HDAC4: variants seen among roughly 807,000 people sequenced by gnomAD.
The protein encoded by HDAC4 is histone deacetylase 4, also known as histone deacetylase A.
In HDAC4, 16 loss-of-function variants were observed where a neutral mutation model predicts 135.1. The observed-to-expected ratio is 0.12, with a 90% CI of 0.08 to 0.18. HDAC4 has a LOEUF of 0.18. HDAC4 is among the 10% of genes least tolerant of loss of function. HDAC4 has a pLI of 1.00. For synonymous variants in HDAC4, 685 were observed against 653.4 expected, an observed-to-expected ratio of 1.05 and a Z score of -0.74; for missense variants, 1,143 against 1,511.8, an observed-to-expected ratio of 0.76 and a Z score of 4.05.
chr2:239,238,136 A>C (rs2047990274), intron 2 of HDAC4, among the ~76,000 whole-genome samples: 2 of 152,188 alleles, frequency 1.3e-5, no homozygotes, highest in African/African-American at 4.8e-5. Flanking sequence ...TCTCAAGAGA[A>C]CCTTCACTGC....
At chr2:239,250,031 C>T (rs2048695418) in intron 2 of HDAC4, among the ~76,000 whole-genome samples, 1 of 152,248 alleles carries the variant, frequency 6.6e-6, no homozygotes, top group Non-Finnish European at 1.5e-5. Context: ...ACAGCCCTCC[C>T]GCCTCTGGAA....
At chr2:239,356,432 A>T (rs1007381646) in intron 1 of HDAC4, among the ~76,000 whole-genome samples, 1 of 152,158 alleles carries the variant, frequency 6.6e-6, no homozygotes, top group African/African-American at 2.4e-5. Flanking sequence ...AGGGACTAAA[A>T]AGCTTTTGGA....
intron 2 of HDAC4, among the ~76,000 whole-genome samples, chr2:239,237,986 G>A (rs1032294652): frequency 2.6e-5 from 4 of 152,268 alleles, no homozygotes; most frequent in East Asian, 1.9e-4. Flanking sequence ...GAGAAAGACC[G>A]GCAGGTCATA....
chr2:239,355,193 T>A (rs1693414214), intron 1 of HDAC4, among the ~76,000 whole-genome samples: 1 of 152,186 alleles, frequency 6.6e-6, no homozygotes, highest in East Asian at 1.9e-4. Flanking sequence ...CAAATATAGG[T>A]CTTCTTTCTG....
At chr2:239,165,895 T>G (rs1046605759) in intron 5 of HDAC4, among the ~76,000 whole-genome samples, 1 of 152,254 alleles carries the variant, frequency 6.6e-6, no homozygotes, top group African/African-American at 2.4e-5. Flanking sequence ...AGCCATCATT[T>G]TAATTTTATC....
At chr2:239,227,636 A>G (rs1184968219) in intron 3 of HDAC4, among the ~76,000 whole-genome samples, 4 of 152,166 alleles carry the variant, frequency 2.6e-5, no homozygotes, top group African/African-American at 9.6e-5. Flanking sequence ...CCCTCCAAAG[A>G]CAAGCGGAAG....
intron 7 of HDAC4, among the ~76,000 whole-genome samples, chr2:239,147,757 C>G (rs1294475541): frequency 6.6e-6 from 1 of 152,264 alleles, no homozygotes; most frequent in Non-Finnish European, 1.5e-5. Context: ...GAACAGGGAG[C>G]AGGTGGGATT....
At chr2:239,150,463 T>C (rs562408947) in intron 7 of HDAC4, among the ~76,000 whole-genome samples, 15 of 147,378 alleles carry the variant, frequency 1.0e-4, no homozygotes, top group South Asian at 2.2e-4. Flanking sequence ...CACAGATACA[T>C]AGAAACACAG....
In HDAC4 at chr2:239,052,547, C is replaced by A. The variant is rs2031018088; in HGVS notation, c.*550G>T. 1 of 155,240 alleles carries A rather than the reference C, an allele frequency of 6.4e-6. No homozygotes were observed. The highest frequency in any genetic ancestry group is 1.9e-4 in the East Asian group (1 of 5,304). The allele number at this position is 155,240 out of a possible 1,614,324, so 9.6% of individuals were successfully genotyped here. On this transcript the variant is annotated 3_prime_UTR_variant, in exon 27 of 27. Transcript: ENST00000543185. ...CTCTGTCCCCCACCCGGGTGCAGAC[C>A]CCCCGCCGCACACCGCTATGGTTCA... is the stretch of plus-strand genomic sequence containing the variant.
intron 15 of HDAC4, among the ~76,000 whole-genome samples, chr2:239,104,207 C>A (rs1028222204): frequency 6.6e-6 from 1 of 152,080 alleles, no homozygotes; most frequent in Non-Finnish European, 1.5e-5. Flanking sequence ...GGGCCCTGGG[C>A]GGCTGCGGGG....
Position 239,068,592 on chromosome 2 carries a change from C to T in HDAC4, c.2766G>A (p.Pro922=), listed in dbSNP as rs765632061. 3.9e-5 allele frequency: 63 copies of T among 1,613,764 alleles called. No homozygotes were observed. Among genetic ancestry groups the T allele is most frequent in the East Asian group, 8.9e-5 (4 of 44,866 alleles). The change falls in exon 23 of 27, where the codon CCG becomes CCA. Residue 922 remains proline (P), a synonymous_variant. Coordinates refer to ENST00000543185, the MANE Select transcript of HDAC4 (RefSeq NM_001378414.1). The surrounding 1 kb of genome is among the most constrained non-coding windows in gnomAD (Gnocchi z 4.4). ...CATCCGGGGCAAACTCGCTGGCGAT[C>T]GGCATGACCACCGTTCTGCAAAGGA... ...YLAAFRTVVM[P]IASEFAPDVV... is the part of the protein sequence containing the mutation.
intron 2 of HDAC4, among the ~76,000 whole-genome samples, chr2:239,260,269 C>T (rs184625278): frequency 4.7e-4 from 72 of 152,316 alleles, no homozygotes; most frequent in Non-Finnish European, 6.5e-4. Context: ...TGGGTAAGAC[C>T]GTGGACTCTG....
At chr2:239,106,848 A>C (rs916263807) in intron 15 of HDAC4, among the ~76,000 whole-genome samples, 3 of 152,118 alleles carry the variant, frequency 2.0e-5, no homozygotes, top group Non-Finnish European at 4.4e-5. Context: ...TGCCACAGCC[A>C]CTTGGGCCCT....
chr2:239,283,169 T>C (rs2050919202), intron 2 of HDAC4, among the ~76,000 whole-genome samples: 1 of 152,238 alleles, frequency 6.6e-6, no homozygotes, highest in Admixed American at 6.5e-5. Context: ...AGTGGAAGAA[T>C]GCGCTCTACA....
intron 22 of HDAC4, among the ~76,000 whole-genome samples, chr2:239,073,760 C>T (rs2034445021): frequency 6.6e-6 from 1 of 152,262 alleles, no homozygotes; most frequent in Non-Finnish European, 1.5e-5. Flanking sequence ...GGTGTCGGCA[C>T]TCCCGCCGCA....
Position 239,308,757 on chromosome 2 carries a change from C to T in HDAC4, c.22+43921G>A, listed in dbSNP as rs115324285. On this transcript the variant is annotated intron_variant, in intron 2 of 26. Transcript: ENST00000543185. The surrounding 1 kb of genome is among the most constrained non-coding windows in gnomAD (Gnocchi z 4.2). ...AACGTGAAGTGCCAAGACTGCTGTC[C>T]GCCAGCGCCCTCACTCCCCCAGGGC... 0.029 allele frequency among the ~76,000 whole-genome samples: 4,489 copies of T among 152,238 alleles called. 118 individuals are homozygous for T. The highest frequency in any genetic ancestry group is 0.044 in the Non-Finnish European group (3,020 of 68,006).
intron 12 of HDAC4, among the ~76,000 whole-genome samples, chr2:239,117,837 G>A (rs1020182190): frequency 5.9e-5 from 9 of 152,222 alleles, no homozygotes; most frequent in African/African-American, 9.6e-5. Context: ...GCTACAGCGC[G>A]TGGAGGATGG....
intron 2 of HDAC4, among the ~76,000 whole-genome samples, chr2:239,277,775 G>A (rs529868487): frequency 2.0e-5 from 3 of 152,302 alleles, no homozygotes; most frequent in Admixed American, 6.5e-5. Context: ...AAACACCTGC[G>A]TTCCACAGCA....
intron 2 of HDAC4, among the ~76,000 whole-genome samples, chr2:239,330,219 G>A (rs767552513): frequency 2.0e-5 from 3 of 152,274 alleles, no homozygotes; most frequent in Non-Finnish European, 2.9e-5. Flanking sequence ...GGGACACTGG[G>A]AGTGGTGCCA....
Sources: gnomAD v4.1 joint callset for allele counts (sites outside exome capture counted in the v4.1 genomes callset) on GRCh38, gnomAD v4.1.1 for gene constraint, Gnocchi (gnomAD v3.1) non-coding constraint, MANE v1.5 for transcripts, NCBI Gene and HGNC (gene_info 2026-07-23, HGNC 2026-07-21) for gene names.